The following LRP2 variants were observed in gnomAD, a reference collection of about 807,000 sequenced individuals.
LRP2 encodes low-density lipoprotein receptor-related protein 2.
In LRP2, 172 loss-of-function variants were observed where a neutral mutation model predicts 531.0. That is an observed-to-expected ratio of 0.32 (90% CI 0.29 to 0.37). The LOEUF (loss-of-function observed/expected upper bound fraction) is 0.37, where lower values mean the gene tolerates loss of function less well. Ranked by LOEUF, LRP2 falls within the 10% of genes least tolerant of loss-of-function variation. The probability of loss-of-function intolerance (pLI) is 1.00; values close to 1 mark genes in which losing one functional copy is unlikely to be tolerated. For synonymous variants in LRP2, 1,992 were observed against 2,027.6 expected, an observed-to-expected ratio of 0.98 and a Z score of 0.47; for missense variants, 5,167 against 5,868.3, an observed-to-expected ratio of 0.88 and a Z score of 3.90.
chr2:169,247,353 A>G, intron 20 of LRP2, 25 bp downstream of exon 20: 1 of 1,613,414 alleles, frequency 6.2e-7, no homozygotes. Context: ...CAAAAAAATA[A>G]AAAAAACTGG....
At chr2:169,285,609 T>A (rs1462095547) in intron 9 of LRP2, among the ~76,000 whole-genome samples, 2 of 152,122 alleles carry the variant, frequency 1.3e-5, no homozygotes, top group Non-Finnish European at 2.9e-5. Flanking sequence ...AAAACCCCTT[T>A]TTAACTGAGC....
At chr2:169,338,392 G>GAAAGAAAGAAAGAAAGAAAGAAAGAAAGA (rs1685474945) in intron 1 of LRP2, among the ~76,000 whole-genome samples, 1 of 123,088 alleles carries the variant, frequency 8.1e-6, no homozygotes, top group African/African-American at 3.2e-5. Flanking sequence ...AAGAAAGAAA[G>GAAAGAAAGAAAGAAAGAAAGAAAGAAAGA]AAAGAAAGAA....
Position 169,220,447 on chromosome 2 carries a change from T to C in LRP2, c.5648+7A>G, listed in dbSNP as rs775694684. ...ATGGAAGACACGTGCCATTTATGAA[T>C]ACTCACCCACGAGCAGGATCAACAG... On this transcript the variant is annotated splice_region_variant and intron_variant, in intron 34 of 78. Coordinates refer to ENST00000649046, the MANE Select transcript of LRP2 (RefSeq NM_004525.3). 6 of 1,604,418 alleles carry C rather than the reference T, an allele frequency of 3.7e-6. No individual in the cohort carries two copies. In the South Asian group the frequency reaches 5.5e-5, roughly 15 times the overall value.
chr2:169,232,388 C>T (rs1689439515), intron 30 of LRP2, among the ~76,000 whole-genome samples: 1 of 152,164 alleles, frequency 6.6e-6, no homozygotes, highest in African/African-American at 2.4e-5. Context: ...AGATCCTATA[C>T]ATTTTTATTA....
intron 4 of LRP2, among the ~76,000 whole-genome samples, chr2:169,303,975 T>C (rs1684348569): frequency 6.6e-6 from 1 of 152,198 alleles, no homozygotes; most frequent in Non-Finnish European, 1.5e-5. Context: ...CAAAGCTCAT[T>C]TCCTCTGCTT....
Position 169,246,697 on chromosome 2 carries a change from C to T in LRP2, c.3190+8G>A. 2 of 1,614,144 alleles carry T rather than the reference C, an allele frequency of 1.2e-6. No homozygotes were observed. The highest frequency in any genetic ancestry group is 1.7e-6 in the Non-Finnish European group (2 of 1,179,980). On this transcript the variant is annotated splice_region_variant and intron_variant, in intron 21 of 78. Coordinates refer to ENST00000649046, the MANE Select transcript of LRP2 (RefSeq NM_004525.3). ...CCCAGGAAATATCGCCAGTGCATAG[C>T]TACTTACTAAGTGTGCCACATAGTT...
chr2:169,332,470 G>A lies in LRP2; in HGVS notation c.80-11586C>T, dbSNP rs528787135. ...TGTCAAGGTTAGCAATCAGTGTCCA[G>A]ACACTAAATTTCATGAGACCTAGCA... is the stretch of plus-strand genomic sequence containing the variant. On this transcript the variant is annotated intron_variant, in intron 1 of 78. Transcript: ENST00000649046. Among the ~76,000 whole-genome samples the A allele has an allele frequency of 1.6e-4, 25 of 152,310 alleles. 1 individual carries two copies. In the South Asian group the frequency reaches 5.2e-3, roughly 32 times the overall value.
At chr2:169,186,533 G>C (rs1687642288) in intron 49 of LRP2, among the ~76,000 whole-genome samples, 2 of 152,354 alleles carry the variant, frequency 1.3e-5, no homozygotes, top group South Asian at 4.1e-4. Flanking sequence ...ATGATCTACA[G>C]AGGGAGGACA....
chr2:169,216,280 G>A lies in LRP2; in HGVS notation c.5799C>T (p.Leu1933=). The A allele has an allele frequency of 6.2e-7, 1 of 1,613,574 alleles. No homozygotes were observed. Among genetic ancestry groups the A allele is most frequent in the Non-Finnish European group, 8.5e-7 (1 of 1,179,622 alleles). ...CVTLDIEEQK[L]YWAVTGRGVI... is the part of the protein sequence containing the mutation. ...CTCCTCTTCCAGTGACTGCCCAGTAGAGTTTCTGCTCTTCGATGTCAAGAG... is the reference window on the plus strand; with the variant it reads ...CTCCTCTTCCAGTGACTGCCCAGTAAAGTTTCTGCTCTTCGATGTCAAGAG... The change falls in exon 35 of 79, where the codon CTC becomes CTT. Residue 1933 remains leucine (L), a synonymous_variant. Transcript: ENST00000649046.
intron 48 of LRP2, 93 bp from the exon 49 acceptor site, chr2:169,188,358 T>A: frequency 8.2e-7 from 1 of 1,212,760 alleles, no homozygotes; most frequent in Non-Finnish European, 1.2e-6. Flanking sequence ...TTTATCTACC[T>A]AAATGCCAGG....
chr2:169,232,237 G>T (rs1689435099), intron 30 of LRP2, among the ~76,000 whole-genome samples: 2 of 151,318 alleles, frequency 1.3e-5, no homozygotes, highest in Admixed American at 1.3e-4. Context: ...TGTGTTTGAT[G>T]TGTGACCTTG....
intron 29 of LRP2, among the ~76,000 whole-genome samples, chr2:169,234,462 C>A (rs1031767502): frequency 1.3e-4 from 20 of 152,228 alleles, no homozygotes; most frequent in Admixed American, 1.3e-3. Context: ...CATATCCCTG[C>A]AAAGGACATG....
intron 46 of LRP2, among the ~76,000 whole-genome samples, chr2:169,195,295 A>G (rs957662944): frequency 2.0e-5 from 3 of 152,204 alleles, no homozygotes; most frequent in African/African-American, 7.2e-5. Flanking sequence ...ATTGCAGAAA[A>G]TATGTATAGT....
At chr2:169,328,338 C>T (rs535838872) in intron 1 of LRP2, among the ~76,000 whole-genome samples, 8 of 141,568 alleles carry the variant, frequency 5.7e-5, no homozygotes, top group Middle Eastern at 3.7e-3. Flanking sequence ...AGGTGAGGGG[C>T]GCCTCTGCCC....
intron 9 of LRP2, among the ~76,000 whole-genome samples, chr2:169,283,363 C>A (rs1342392720): frequency 1.3e-5 from 2 of 152,124 alleles, no homozygotes; most frequent in African/African-American, 4.8e-5. Context: ...AGCCACTAAC[C>A]CCCTGTGGCT....
intron 69 of LRP2, among the ~76,000 whole-genome samples, 192 bp downstream of exon 69, chr2:169,146,547 A>G (rs1685919075): frequency 6.6e-6 from 1 of 152,136 alleles, no homozygotes; most frequent in Admixed American, 6.5e-5. Context: ...GACGAAAAGG[A>G]TTTAATTATT....
chr2:169,343,678 G>A (rs912311715), intron 1 of LRP2, among the ~76,000 whole-genome samples: 1 of 152,204 alleles, frequency 6.6e-6, no homozygotes, highest in African/African-American at 2.4e-5. Flanking sequence ...TCTCTGAGCT[G>A]TGATTCCAGA....
intron 16 of LRP2, among the ~76,000 whole-genome samples, chr2:169,265,103 C>A (rs186694483): frequency 1.3e-5 from 2 of 151,180 alleles, no homozygotes; most frequent in African/African-American, 4.9e-5. Context: ...ACCCCCAGAA[C>A]AGACCACCAT....
Position 169,185,598 on chromosome 2 carries a change from G to A in LRP2, c.9750C>T (p.Val3250=). 6.2e-7 allele frequency: 1 copy of A among 1,614,068 alleles called. No individual in the cohort carries two copies. Among genetic ancestry groups the A allele is most frequent in the South Asian group, 1.1e-5 (1 of 91,056 alleles). ...TCTTATTCAGAAACATTCTCTCAAT[G>A]ACTTGCCTCTGTGTATCAATCCAAT... ...RLYWIDTQRQ[V]IERMFLNKTN... is the part of the protein sequence containing the mutation. Residue 3250 remains valine (V), a synonymous_variant, in exon 50 of 79, where the codon GTC becomes GTT. Coordinates refer to ENST00000649046, the MANE Select transcript of LRP2 (RefSeq NM_004525.3).
Sources: gnomAD v4.1 joint callset for allele counts (sites outside exome capture counted in the v4.1 genomes callset) on GRCh38, gnomAD v4.1.1 for gene constraint, MANE v1.5 for transcripts, NCBI Gene and HGNC (gene_info 2026-07-23, HGNC 2026-07-21) for gene names.